Variants in FGD5 observed in about 807,000 individuals in gnomAD.
FGD5 encodes FYVE, RhoGEF and PH domain containing 5, also known as FYVE, RhoGEF and PH domain-containing protein 5.
In FGD5, 28 loss-of-function variants were observed where a neutral mutation model predicts 133.4. That is an observed-to-expected ratio of 0.21 (90% CI 0.16 to 0.29). The LOEUF is 0.29. Ranked by LOEUF, FGD5 falls within the 10% of genes least tolerant of loss-of-function variation. The pLI is 1.00. For synonymous variants in FGD5, 810 were observed against 776.5 expected, an observed-to-expected ratio of 1.04 and a Z score of -0.72; for missense variants, 1,858 against 1,895.2, an observed-to-expected ratio of 0.98 and a Z score of 0.36.
chr3:14,872,762 A>G (rs1438821640), intron 2 of FGD5, among the ~76,000 whole-genome samples: 2 of 152,228 alleles, frequency 1.3e-5, no homozygotes, highest in Non-Finnish European at 2.9e-5. Context: ...GAGCCAGTCC[A>G]TGGTGGGTGG....
chr3:14,821,403 C>A lies in FGD5; in HGVS notation c.2332C>A (p.Pro778Thr). The change falls in exon 1 of 20, where the codon CCA becomes ACA. Residue 778 changes from proline (P) to threonine (T), a missense_variant. Transcript: ENST00000285046. ...SADTSDYENI[P>T]AMNSDYENIQ... ...TGACACTTCAGACTATGAGAACATTCCAGCCATGAACTCGGACTATGAGAA... is the reference window on the plus strand; with the variant it reads ...TGACACTTCAGACTATGAGAACATTACAGCCATGAACTCGGACTATGAGAA... The A allele has an allele frequency of 6.2e-7, 1 of 1,614,028 alleles. No individual in the cohort carries two copies. The highest frequency in any genetic ancestry group is 1.7e-5 in the Admixed American group (1 of 60,028).
chr3:14,871,463 G>A (rs1240314406), intron 2 of FGD5, among the ~76,000 whole-genome samples: 1 of 152,206 alleles, frequency 6.6e-6, no homozygotes, highest in Non-Finnish European at 1.5e-5. Context: ...GAGTGATGGA[G>A]CTGGGAGTCC....
At chr3:14,825,324 G>A (rs1392946429) in intron 1 of FGD5, among the ~76,000 whole-genome samples, 2 of 152,062 alleles carry the variant, frequency 1.3e-5, no homozygotes, top group Non-Finnish European at 2.9e-5. Context: ...GTATACCTGG[G>A]CTGAGTGCAG....
At chr3:14,823,245 C>A (rs1435940483) in intron 1 of FGD5, among the ~76,000 whole-genome samples, 2 of 152,184 alleles carry the variant, frequency 1.3e-5, no homozygotes, top group Non-Finnish European at 2.9e-5. Context: ...CAACAATAAA[C>A]TCTCCGTGCT....
rs980461854 is a variant in FGD5, at chr3:14,878,381, A to G, written c.2659-2191A>G. 3.3e-5 allele frequency among the ~76,000 whole-genome samples: 5 copies of G among 152,216 alleles called. No homozygotes were observed. In the East Asian group the frequency reaches 9.7e-4, roughly 29 times the overall value. ...CTGTCAGAGGAGTGGCCCAGCCTTCATTTTGCAGTTAAGGCCTTTCCCTTA... is the reference window on the plus strand; with the variant it reads ...CTGTCAGAGGAGTGGCCCAGCCTTCGTTTTGCAGTTAAGGCCTTTCCCTTA... On this transcript the variant is annotated intron_variant, in intron 2 of 19. Transcript: ENST00000285046.
chr3:14,900,302 T>C, intron 7 of FGD5, 101 bp from the exon 8 acceptor site: 4 of 1,201,514 alleles, frequency 3.3e-6, no homozygotes, highest in Non-Finnish European at 3.6e-6. Context: ...GGGTGGATGC[T>C]TCATTCTTCC....
chr3:14,844,865 G>C (rs1384448042), intron 1 of FGD5, among the ~76,000 whole-genome samples: 1 of 152,132 alleles, frequency 6.6e-6, no homozygotes, highest in East Asian at 1.9e-4. Flanking sequence ...TTTGTTCCTG[G>C]AAAGTCTTGC....
intron 2 of FGD5, among the ~76,000 whole-genome samples, chr3:14,868,880 A>G (rs962889534): frequency 2.0e-5 from 3 of 152,238 alleles, no homozygotes; most frequent in Non-Finnish European, 2.9e-5. Flanking sequence ...CTGAAGACAC[A>G]GCAATGACAA....
intron 1 of FGD5, among the ~76,000 whole-genome samples, chr3:14,843,948 G>A (rs548200532): frequency 6.6e-6 from 1 of 151,268 alleles, no homozygotes; most frequent in East Asian, 2.0e-4. Flanking sequence ...GCTCGCCTCG[G>A]CCTCCCAAAG....
intron 12 of FGD5, 30 bp from the exon 13 acceptor site, chr3:14,918,724 C>T (rs1345365578): frequency 1.2e-6 from 2 of 1,611,886 alleles, no homozygotes; most frequent in African/African-American, 2.7e-5. Context: ...CCCTGCCCCA[C>T]CCTGAAGGAG....
In FGD5 at chr3:14,932,587, C is replaced by T. The variant is rs2038917418; in HGVS notation, c.4208C>T (p.Ala1403Val). 1 of 1,613,196 alleles carries T rather than the reference C, an allele frequency of 6.2e-7. No homozygotes were observed. Among genetic ancestry groups the T allele is most frequent in the Non-Finnish European group, 8.5e-7 (1 of 1,179,604 alleles). ...TTCTGTCCTCTGCAGGACAAAGTGG[C>T]CTTGGAGAGTATGCCTCTGCTAGGC... ...YTYMASEDKVALESMPLLGFT... is the reference protein window; with the variant it reads ...YTYMASEDKVVLESMPLLGFT... The change falls in exon 19 of 20, where the codon GCC becomes GTC. Residue 1403 changes from alanine (A) to valine (V), a missense_variant. Physicochemically the swap from Ala to Val is moderately conservative, Grantham distance 64. This residue lies in a region of FGD5 where 1,824 missense variants were observed against 1,848.9 expected (regional missense o/e 0.99). Transcript: ENST00000285046.
intron 1 of FGD5, among the ~76,000 whole-genome samples, chr3:14,859,367 GC>G (rs2037351585): frequency 6.6e-6 from 1 of 152,066 alleles, no homozygotes; most frequent in Non-Finnish European, 1.5e-5. Context: ...GACCAGCCTG[GC>G]CAAGATGGTG....
chr3:14,864,596 C>T (rs554657523), intron 2 of FGD5, among the ~76,000 whole-genome samples: 13 of 152,194 alleles, frequency 8.5e-5, no homozygotes, highest in Non-Finnish European at 1.8e-4. Flanking sequence ...CACCCTGGGC[C>T]TCAGTTTCCT....
At position 14,844,217 on chromosome 3, in the gene FGD5, AATATATATATATATATATATAT is replaced by A. The variant is rs869290486; in HGVS notation, c.2526-19877_2526-19856del. Among the ~76,000 whole-genome samples the A allele has an allele frequency of 2.2e-3, 44 of 20,382 alleles. 1 individual carries two copies. The highest frequency in any genetic ancestry group is 0.015 in the South Asian group (7 of 472). 13.4% of individuals were successfully genotyped at this position (20,382 alleles called of 152,430 possible). ...CTTAATAGGCATTAAAAAAAAAAAA[AATATATATATATATATATATAT>A]ATATATATATATATATATATATATA... On this transcript the variant is annotated intron_variant, in intron 1 of 19. Transcript: ENST00000285046.
chr3:14,896,533 C>T (rs1234450880), intron 4 of FGD5, among the ~76,000 whole-genome samples: 1 of 151,922 alleles, frequency 6.6e-6, no homozygotes, highest in Admixed American at 6.6e-5. Flanking sequence ...TGCAATGGCG[C>T]GATCTCGGCT....
At chr3:14,832,433 G>A (rs1345639370) in intron 1 of FGD5, among the ~76,000 whole-genome samples, 1 of 152,138 alleles carries the variant, frequency 6.6e-6, no homozygotes, top group African/African-American at 2.4e-5. Context: ...GAGGACTTAA[G>A]GTCACACAGC....
At chr3:14,897,447 G>T in intron 4 of FGD5, 62 bp from the exon 5 acceptor site, 1 of 1,550,774 alleles carries the variant, frequency 6.4e-7, no homozygotes, top group Non-Finnish European at 8.7e-7. Context: ...GGGGAAATCT[G>T]CCAAGGAGGA....
At chr3:14,911,748 G>A (rs531321329) in intron 11 of FGD5, among the ~76,000 whole-genome samples, 18 of 149,080 alleles carry the variant, frequency 1.2e-4, no homozygotes, top group South Asian at 4.4e-4. Context: ...ACAGCCCATT[G>A]TAAATGCAGA....
intron 1 of FGD5, among the ~76,000 whole-genome samples, chr3:14,833,329 A>C (rs904624833): frequency 5.3e-5 from 8 of 152,234 alleles, no homozygotes; most frequent in Non-Finnish European, 7.3e-5. Context: ...ATAGGGCCCA[A>C]AATCTCCAGG....
Sources: gnomAD v4.1 joint callset for allele counts (sites outside exome capture counted in the v4.1 genomes callset) on GRCh38, gnomAD v4.1.1 for gene constraint, gnomAD v4.1.1 regional missense constraint, MANE v1.5 for transcripts, NCBI Gene and HGNC (gene_info 2026-07-23, HGNC 2026-07-21) for gene names.